The following OPCML variants were observed in gnomAD, a reference collection of about 807,000 sequenced individuals.
OPCML encodes the protein opioid-binding protein/cell adhesion molecule.
In OPCML, 13 loss-of-function variants were observed where a neutral mutation model predicts 37.8. The ratio of observed to expected loss-of-function variants is 0.34; its 90% confidence interval spans 0.22 to 0.55. The LOEUF is 0.55. OPCML is among the 20% of genes least tolerant of loss of function. OPCML has a pLI of 0.91. For missense variants in OPCML, 341 were observed against 435.6 expected (o/e 0.78, Z 1.93); for synonymous variants, 176 against 168.8 (o/e 1.04, Z -0.33).
At chr11:132,781,962 T>A (rs1435259598) in intron 2 of OPCML, among the ~76,000 whole-genome samples, 308 of 139,186 alleles carry the variant, frequency 2.2e-3, no homozygotes, top group African/African-American at 7.7e-3. Context: ...ATATTTTTTT[T>A]TTTTTTTTTT....
At chr11:132,566,300 T>C (rs888652845) in intron 3 of OPCML, among the ~76,000 whole-genome samples, 7 of 152,238 alleles carry the variant, frequency 4.6e-5, no homozygotes, top group Admixed American at 6.5e-5. Context: ...GAGCATCTAA[T>C]GCAGGGCTTG....
At chr11:132,864,309 C>T (rs543253859) in intron 2 of OPCML, among the ~76,000 whole-genome samples, 2 of 152,238 alleles carry the variant, frequency 1.3e-5, no homozygotes, top group East Asian at 3.9e-4. Context: ...ATTAATCTGC[C>T]TTTTGTGAAT....
At chr11:132,932,972 T>C (rs1945259361) in intron 2 of OPCML, among the ~76,000 whole-genome samples, 1 of 152,138 alleles carries the variant, frequency 6.6e-6, no homozygotes, top group Non-Finnish European at 1.5e-5. Flanking sequence ...CTTTTGACTG[T>C]AAAGTCAGTG....
chr11:132,914,290 C>G (rs992329711), intron 2 of OPCML, among the ~76,000 whole-genome samples: 2 of 152,234 alleles, frequency 1.3e-5, no homozygotes, highest in South Asian at 4.1e-4. Context: ...CTTCCCAGTA[C>G]AAGTCAATAT....
chr11:133,021,047 T>C (rs1349248222), intron 1 of OPCML, among the ~76,000 whole-genome samples: 1 of 152,112 alleles, frequency 6.6e-6, no homozygotes, highest in East Asian at 1.9e-4. Flanking sequence ...CATTTCTGTG[T>C]TTATTGTAGA....
chr11:133,416,590 C>A (rs1456257511), intron 1 of OPCML, among the ~76,000 whole-genome samples: 1 of 152,160 alleles, frequency 6.6e-6, no homozygotes, highest in East Asian at 1.9e-4. Context: ...GACATCTGAC[C>A]ATGAGCTCCT....
chr11:132,521,564 C>T (rs752468630), intron 4 of OPCML, among the ~76,000 whole-genome samples: 19 of 151,904 alleles, frequency 1.3e-4, no homozygotes, highest in African/African-American at 4.6e-4. Flanking sequence ...ACTGCATGTT[C>T]TCTGGACACA....
intron 2 of OPCML, among the ~76,000 whole-genome samples, chr11:132,830,423 A>G (rs1276723230): frequency 6.6e-6 from 1 of 152,192 alleles, no homozygotes; most frequent in Admixed American, 6.5e-5. Context: ...AGCACGTGAA[A>G]TACCAAACAG....
chr11:133,152,996 C>T (rs570190406), intron 1 of OPCML, among the ~76,000 whole-genome samples: 4 of 152,046 alleles, frequency 2.6e-5, no homozygotes, highest in Non-Finnish European at 4.4e-5. Flanking sequence ...GTCTCCACAG[C>T]GGGCTGTGTG....
chr11:133,304,716 G>A (rs148757715), intron 1 of OPCML, among the ~76,000 whole-genome samples: 106 of 152,254 alleles, frequency 7.0e-4, no homozygotes, highest in African/African-American at 2.5e-3. Flanking sequence ...TATGGCAGGA[G>A]AATTGATTAA....
chr11:132,745,067 C>T (rs142143118), intron 2 of OPCML, among the ~76,000 whole-genome samples: 38 of 152,312 alleles, frequency 2.5e-4, no homozygotes, highest in African/African-American at 8.4e-4. Flanking sequence ...CTTTTTCACG[C>T]TCTCACACTC....
At position 133,072,013 on chromosome 11, in the gene OPCML, A is replaced by G. The variant is rs182340517; in HGVS notation, c.62-129003T>C. 2.3e-3 allele frequency among the ~76,000 whole-genome samples: 355 copies of G among 152,232 alleles called. 1 individual carries two copies. The highest frequency in any genetic ancestry group is 4.1e-3 in the Non-Finnish European group (279 of 68,022). ...TGTGCAGGACGGCCCCGTACCACCA[A>G]TTGCTCCTAAGTGATTCCCAAAGGA... is the stretch of plus-strand genomic sequence containing the variant. On this transcript the variant is annotated intron_variant, in intron 1 of 7. Transcript: ENST00000524381.
intron 1 of OPCML, among the ~76,000 whole-genome samples, chr11:133,039,794 C>A (rs1038660080): frequency 1.3e-5 from 2 of 152,066 alleles, no homozygotes; most frequent in Admixed American, 1.3e-4. Flanking sequence ...CTTTGGGAGG[C>A]CAAGGCGGGC....
intron 1 of OPCML, among the ~76,000 whole-genome samples, chr11:133,424,232 C>T (rs1945954612): frequency 6.6e-6 from 1 of 152,166 alleles, no homozygotes. Context: ...CTTGGGCTCT[C>T]CTGCCTCAAT....
chr11:132,761,170 G>C (rs1324751889), intron 2 of OPCML, among the ~76,000 whole-genome samples: 1 of 150,314 alleles, frequency 6.7e-6, no homozygotes. Context: ...GAGATCTGCT[G>C]TTAGTCTGAT....
chr11:133,093,525 A>G (rs987829242), intron 1 of OPCML, among the ~76,000 whole-genome samples: 1 of 152,172 alleles, frequency 6.6e-6, no homozygotes, highest in African/African-American at 2.4e-5. Flanking sequence ...GTAATTTATG[A>G]TTAGAATTCC....
chr11:132,852,366 T>C (rs1483313102), intron 2 of OPCML, among the ~76,000 whole-genome samples: 1 of 152,190 alleles, frequency 6.6e-6, no homozygotes, highest in Non-Finnish European at 1.5e-5. Flanking sequence ...TTACCTCCGC[T>C]ATACCAGCGG....
intron 1 of OPCML, among the ~76,000 whole-genome samples, chr11:133,257,631 G>A (rs1022608646): frequency 3.3e-5 from 5 of 152,172 alleles, no homozygotes; most frequent in Admixed American, 6.5e-5. Flanking sequence ...TAGAACTCAG[G>A]TGTCTAATTC....
intron 1 of OPCML, among the ~76,000 whole-genome samples, chr11:133,392,508 G>A (rs1322181521): frequency 1.3e-5 from 2 of 152,230 alleles, no homozygotes; most frequent in Non-Finnish European, 2.9e-5. Flanking sequence ...CCTGTCGGAG[G>A]TGACTGGTCC....
Sources: gnomAD v4.1 joint callset for allele counts (sites outside exome capture counted in the v4.1 genomes callset) on GRCh38, gnomAD v4.1.1 for gene constraint, MANE v1.5 for transcripts, NCBI Gene and HGNC (gene_info 2026-07-23, HGNC 2026-07-21) for gene names.